Variants in ADK observed in about 807,000 individuals in gnomAD.
ADK encodes the protein adenosine kinase.
In ADK, 24 loss-of-function variants were observed where a neutral mutation model predicts 44.7. That is an observed-to-expected ratio of 0.54 (90% CI 0.39 to 0.76). The LOEUF is 0.76. ADK is among the 30% of genes least tolerant of loss of function. The pLI is 0.00. For missense variants in ADK, 321 were observed against 425.1 expected (o/e 0.76, Z 2.15); for synonymous variants, 128 against 142.6 (o/e 0.90, Z 0.73).
intron 1 of ADK, among the ~76,000 whole-genome samples, chr10:74,175,210 G>A (rs1308014379): frequency 1.3e-5 from 2 of 152,016 alleles, no homozygotes; most frequent in African/African-American, 2.4e-5. Context: ...GTGAAACTCC[G>A]TTTCTACCAA....
intron 9 of ADK, chr10:74,655,575 T>G (rs951640908): frequency 2.3e-5 from 11 of 477,410 alleles, no homozygotes; most frequent in Admixed American, 2.0e-4. Context: ...AAGAAAGAGG[T>G]GGGGGTACCT....
intron 7 of ADK, among the ~76,000 whole-genome samples, chr10:74,583,175 G>C (rs1311021033): frequency 6.6e-6 from 1 of 152,146 alleles, no homozygotes; most frequent in Admixed American, 6.6e-5. Flanking sequence ...TTTATGTTGT[G>C]ATATATTGTA....
At chr10:74,643,058 T>A (rs1853928358) in intron 9 of ADK, among the ~76,000 whole-genome samples, 1 of 151,882 alleles carries the variant, frequency 6.6e-6, no homozygotes, top group Admixed American at 6.6e-5. Context: ...CTCAGGCTGG[T>A]CTCAAATTCC....
chr10:74,204,634 A>C (rs1843522277), intron 2 of ADK, among the ~76,000 whole-genome samples: 1 of 152,232 alleles, frequency 6.6e-6, no homozygotes, highest in South Asian at 2.1e-4. Context: ...TTTAAAACAC[A>C]CTTTCCCAGT....
At chr10:74,508,419 G>C (rs1454450113) in intron 6 of ADK, 1 of 152,088 alleles carries the variant, frequency 6.6e-6, no homozygotes, top group Non-Finnish European at 1.5e-5. Context: ...GTTATTTCTA[G>C]AGGAATAATA....
chr10:74,619,367 A>T (rs1852896221), intron 9 of ADK, among the ~76,000 whole-genome samples: 1 of 151,880 alleles, frequency 6.6e-6, no homozygotes. Flanking sequence ...AGGCAGGAGA[A>T]TTGCTTGAAC....
At chr10:74,241,967 T>G (rs1056112249) in intron 3 of ADK, among the ~76,000 whole-genome samples, 3 of 152,366 alleles carry the variant, frequency 2.0e-5, no homozygotes, top group African/African-American at 7.2e-5. Context: ...ACCTGTTTGC[T>G]TCTTATTTCT....
intron 6 of ADK, among the ~76,000 whole-genome samples, chr10:74,459,070 G>A (rs2133229955): frequency 6.6e-6 from 1 of 152,070 alleles, no homozygotes; most frequent in Non-Finnish European, 1.5e-5. Flanking sequence ...CCTGATGTCA[G>A]GAGCTTGAGA....
intron 9 of ADK, among the ~76,000 whole-genome samples, chr10:74,619,196 T>A (rs1852888823): frequency 6.6e-6 from 1 of 152,182 alleles, no homozygotes; most frequent in Non-Finnish European, 1.5e-5. Context: ...GGCTCATGCC[T>A]GTAATCCCAG....
chr10:74,527,914 A>G, intron 7 of ADK: 1 of 797,892 alleles, frequency 1.3e-6, no homozygotes, highest in Non-Finnish European at 2.2e-6. Flanking sequence ...GAAAGCTGTC[A>G]TCTATAGGTT....
At chr10:74,441,920 C>A (rs574441189) in intron 6 of ADK, among the ~76,000 whole-genome samples, 96 of 152,184 alleles carry the variant, frequency 6.3e-4, no homozygotes, top group African/African-American at 2.2e-3. Context: ...CCATAGAAGA[C>A]ATACAAATGA....
intron 7 of ADK, among the ~76,000 whole-genome samples, chr10:74,531,560 G>T (rs1162979161): frequency 1.3e-5 from 2 of 151,922 alleles, no homozygotes; most frequent in African/African-American, 4.8e-5. Context: ...TTGAGACAAG[G>T]TCTCACTCTC....
At chr10:74,221,607 C>T (rs1844312126) in intron 2 of ADK, among the ~76,000 whole-genome samples, 1 of 147,724 alleles carries the variant, frequency 6.8e-6, no homozygotes, top group African/African-American at 2.5e-5. Flanking sequence ...ATCACGCTAC[C>T]TGACTTCAAA....
At chr10:74,627,696 G>A (rs1416010257) in intron 9 of ADK, among the ~76,000 whole-genome samples, 3 of 151,966 alleles carry the variant, frequency 2.0e-5, no homozygotes, top group Non-Finnish European at 4.4e-5. Flanking sequence ...GCAGTGGCAC[G>A]ATCTCGGCTC....
intron 2 of ADK, among the ~76,000 whole-genome samples, chr10:74,218,856 C>G (rs1844172280): frequency 6.6e-6 from 1 of 152,142 alleles, no homozygotes; most frequent in Non-Finnish European, 1.5e-5. Context: ...CCTAAAAGAG[C>G]TCCTGAAGGA....
intron 7 of ADK, among the ~76,000 whole-genome samples, chr10:74,570,537 A>G (rs1850914116): frequency 6.6e-6 from 1 of 152,020 alleles, no homozygotes; most frequent in Admixed American, 6.5e-5. Context: ...TAGGTATTTT[A>G]TTCTCTTTGA....
chr10:74,205,017 G>C (rs1330478673), intron 2 of ADK, among the ~76,000 whole-genome samples: 2 of 133,170 alleles, frequency 1.5e-5, no homozygotes. Flanking sequence ...TCCAACCTGG[G>C]TGACAGAGTT....
intron 9 of ADK, among the ~76,000 whole-genome samples, chr10:74,610,547 G>A (rs1852502074): frequency 6.6e-6 from 1 of 152,054 alleles, no homozygotes; most frequent in African/African-American, 2.4e-5. Context: ...ATTCAACAAT[G>A]CTTAAAATGT....
chr10:74,232,903 C>T (rs528139306), intron 3 of ADK, among the ~76,000 whole-genome samples: 58 of 152,248 alleles, frequency 3.8e-4, no homozygotes, highest in Non-Finnish European at 5.1e-4. Context: ...AGATTACAGG[C>T]GTAAGCCACC....
Sources: gnomAD v4.1 joint callset for allele counts (sites outside exome capture counted in the v4.1 genomes callset) on GRCh38, gnomAD v4.1.1 for gene constraint, MANE v1.5 for transcripts, NCBI Gene and HGNC (gene_info 2026-07-23, HGNC 2026-07-21) for gene names.